ZBED4: variants seen among roughly 807,000 people sequenced by gnomAD.
ZBED4 encodes the protein zinc finger BED domain-containing protein 4.
In ZBED4, 4 loss-of-function variants were observed where a neutral mutation model predicts 15.5. The ratio of observed to expected loss-of-function variants is 0.26; its 90% confidence interval spans 0.13 to 0.59. The LOEUF (loss-of-function observed/expected upper bound fraction) is 0.59. Ranked by LOEUF, ZBED4 falls within the 20% of genes least tolerant of loss-of-function variation. The pLI is 0.90. For synonymous variants in ZBED4, 692 were observed against 608.5 expected (o/e 1.14, Z -2.02); for missense variants, 1,323 against 1,461.8 (o/e 0.91, Z 1.55).
At chr22:49,880,827 A>G (rs2060405244) in intron 1 of ZBED4, among the ~76,000 whole-genome samples, 1 of 152,136 alleles carries the variant, frequency 6.6e-6, no homozygotes, top group Admixed American at 6.6e-5. Flanking sequence ...TTGGGAAAAT[A>G]CTGATGTCAA....
At chr22:49,866,046 C>T (rs544856043) in intron 1 of ZBED4, among the ~76,000 whole-genome samples, 144 of 152,150 alleles carry the variant, frequency 9.5e-4, no homozygotes, top group Non-Finnish European at 1.7e-3. Flanking sequence ...CTATGTTATT[C>T]TATGGTCTTC....
At chr22:49,882,016 C>T (rs936983899) in intron 1 of ZBED4, among the ~76,000 whole-genome samples, 6 of 152,178 alleles carry the variant, frequency 3.9e-5, no homozygotes, top group Non-Finnish European at 8.8e-5. Context: ...AAGCCTGTTT[C>T]CCCAGCAGTA....
rs568552649 is a variant in ZBED4 at position 49,883,346 on chromosome 22, G to C, written c.-317G>C. The C allele has an allele frequency of 1.8e-5, 4 of 221,344 alleles. No homozygotes were observed. The highest frequency in any genetic ancestry group is 3.6e-5 in the Non-Finnish European group (4 of 112,114). The allele number at this position is 221,344 out of a possible 1,614,324, so 13.7% of individuals were successfully genotyped here. ...TCATCTCTTATAGGTAATGCACAAG[G>C]GTCACGTGTATGCTCTCAAGATGAT... On this transcript the variant is annotated 5_prime_UTR_variant, in exon 2 of 2. Coordinates refer to ENST00000216268, the MANE Select transcript of ZBED4 (RefSeq NM_014838.3).
intron 1 of ZBED4, among the ~76,000 whole-genome samples, chr22:49,878,775 A>G (rs550063985): frequency 6.6e-6 from 1 of 152,114 alleles, no homozygotes; most frequent in Non-Finnish European, 1.5e-5. Flanking sequence ...AGGTGGGTGG[A>G]TCACCTGAGG....
chr22:49,885,000 C>T lies in ZBED4; in HGVS notation c.1338C>T (p.Ile446=). ...LSPRLFESGA[I]FQQNKKVMKR... Reference sequence around the variant, plus strand: ...CTAGATTGTTTGAATCTGGCGCCATCTTCCAGCAGAATAAAAAGGTCATGA... The same window carrying T: ...CTAGATTGTTTGAATCTGGCGCCATTTTCCAGCAGAATAAAAAGGTCATGA... The change falls in exon 2 of 2, where the codon ATC becomes ATT. Residue 446 remains isoleucine, a synonymous_variant. Coordinates refer to ENST00000216268, the MANE Select transcript of ZBED4 (RefSeq NM_014838.3). The T allele has an allele frequency of 6.2e-7, 1 of 1,613,404 alleles. No homozygotes were observed. The highest frequency in any genetic ancestry group is 8.5e-7 in the Non-Finnish European group (1 of 1,179,584).
chr22:49,861,760 C>G (rs1180976021), intron 1 of ZBED4, among the ~76,000 whole-genome samples: 3 of 152,312 alleles, frequency 2.0e-5, no homozygotes, highest in East Asian at 3.9e-4. Flanking sequence ...TTTTTCTGCT[C>G]AGCACATGTA....
In ZBED4 at chr22:49,885,608, A is replaced by C. The variant is rs2060434261; in HGVS notation, c.1946A>C (p.Tyr649Ser). 1 of 1,610,220 alleles carries C rather than the reference A, an allele frequency of 6.2e-7. No homozygotes were observed. The highest frequency in any genetic ancestry group is 1.3e-5 in the African/African-American group (1 of 74,790). ...SSFDDTNEKF[Y>S]DSHPVAKKIT... ...TTTGATGACACCAATGAGAAGTTTT[A>C]CGATTCTCACCCAGTTGCCAAAAAA... The change falls in exon 2 of 2, where the codon TAC becomes TCC. Residue 649 changes from tyrosine (Y) to serine (S), a missense_variant. Tyr to Ser is a moderately radical substitution (Grantham distance 144). Coordinates refer to ENST00000216268, the MANE Select transcript of ZBED4 (RefSeq NM_014838.3).
intron 1 of ZBED4, among the ~76,000 whole-genome samples, chr22:49,856,906 G>A (rs1340707619): frequency 1.3e-5 from 2 of 151,640 alleles, no homozygotes; most frequent in Non-Finnish European, 2.9e-5. Flanking sequence ...CTAGGTGAAG[G>A]CTTTTCAGCA....
At position 49,872,211 on chromosome 22, in the gene ZBED4, A is replaced by G. The variant is rs529209151; in HGVS notation, c.-329-11123A>G. Among the ~76,000 whole-genome samples, 6 of 152,276 alleles carry G rather than the reference A, an allele frequency of 3.9e-5. No individual in the cohort carries two copies. The South Asian group carries it at 6.2e-4, about 16-fold the overall frequency. On this transcript the variant is annotated intron_variant, in intron 1 of 1. Coordinates refer to ENST00000216268, the MANE Select transcript of ZBED4 (RefSeq NM_014838.3). ...TCAATTATGCTTATAGAATATTCCA[A>G]AATCTTTATTGTCATTTTAACAGTG...
At chr22:49,878,301 C>CAAAAAAAAAAAAA (rs71196388) in intron 1 of ZBED4, among the ~76,000 whole-genome samples, 1 of 107,216 alleles carries the variant, frequency 9.3e-6, no homozygotes, top group Non-Finnish European at 1.8e-5. Flanking sequence ...GACACTGTCT[C>CAAAAAAAAAAAAA]AAAAAAAAAA....
intron 1 of ZBED4, among the ~76,000 whole-genome samples, chr22:49,879,380 T>G (rs8136838): frequency 0.92 from 139,987 of 151,816 alleles, 64,641 homozygotes; most frequent in African/African-American, 0.98. Context: ...GTCTGCCTCA[T>G]CCTCCCGAAG....
At chr22:49,871,683 A>G (rs1184952503) in intron 1 of ZBED4, among the ~76,000 whole-genome samples, 4 of 151,648 alleles carry the variant, frequency 2.6e-5, no homozygotes, top group Non-Finnish European at 5.9e-5. Context: ...GACCAATCAG[A>G]GTGCAGATTG....
chr22:49,881,239 C>A (rs1412862775), intron 1 of ZBED4, among the ~76,000 whole-genome samples: 1 of 152,156 alleles, frequency 6.6e-6, no homozygotes, highest in Non-Finnish European at 1.5e-5. Context: ...ATCCCAGCTA[C>A]TTGGGAGGCT....
rs944490907 is a variant in ZBED4, at chr22:49,870,000, C to T, written c.-329-13334C>T. ...CCCTCACTCCTCACTCTCGCAGTCC[C>T]AGTGCCTGTGGTTCTCATCTTTATG... On this transcript the variant is annotated intron_variant, in intron 1 of 1. Transcript: ENST00000216268. Among the ~76,000 whole-genome samples the T allele has an allele frequency of 4.6e-5, 7 of 152,142 alleles. 1 individual carries two copies. The highest frequency in any genetic ancestry group is 3.9e-4 in the Admixed American group (6 of 15,274).
Position 49,883,693 on chromosome 22 carries a change from G to T in ZBED4, c.31G>T (p.Glu11Ter), listed in dbSNP as rs1408906255. The change falls in exon 2 of 2, where the codon GAG becomes TAG. Residue 11 changes from glutamate to a stop codon, truncating the protein, a stop_gained. Transcript: ENST00000216268. LOFTEE classifies it low-confidence loss of function (END_TRUNC). ...GAATAACTTGAAAACTTGTCCCAAA[G>T]AGGACGGTGATTTCGTTTCTGATAA... MENNLKTCPK[E>*]DGDFVSDKIK... 6.3e-7 allele frequency: 1 copy of T among 1,597,914 alleles called. No homozygotes were observed. The highest frequency in any genetic ancestry group is 8.6e-7 in the Non-Finnish European group (1 of 1,168,640).
chr22:49,861,943 A>G (rs537976111), intron 1 of ZBED4, among the ~76,000 whole-genome samples: 2 of 152,242 alleles, frequency 1.3e-5, no homozygotes, highest in Admixed American at 1.3e-4. Flanking sequence ...AGTGCTTCCA[A>G]GTTCCCCCGC....
chr22:49,872,863 A>AT (rs2060355607), intron 1 of ZBED4, among the ~76,000 whole-genome samples: 1 of 151,838 alleles, frequency 6.6e-6, no homozygotes, highest in Non-Finnish European at 1.5e-5. Context: ...CTGCCGGCTA[A>AT]TTTTTTTGTA....
intron 1 of ZBED4, among the ~76,000 whole-genome samples, chr22:49,855,526 C>T (rs186052808): frequency 3.0e-4 from 45 of 152,232 alleles, no homozygotes; most frequent in African/African-American, 1.0e-3. Flanking sequence ...ACTAGGGGAG[C>T]GGACTGACTT....
chr22:49,859,094 T>G (rs2060286780), intron 1 of ZBED4, among the ~76,000 whole-genome samples: 1 of 152,152 alleles, frequency 6.6e-6, no homozygotes, highest in Admixed American at 6.5e-5. Context: ...CCATCAGACC[T>G]CCACATGCTG....
Sources: allele counts gnomAD v4.1 joint callset (sites outside exome capture counted in the v4.1 genomes callset), GRCh38; gene constraint gnomAD v4.1.1; transcripts MANE v1.5; gene names NCBI Gene and HGNC (gene_info 2026-07-23, HGNC 2026-07-21).